Variants in RIN3 observed in about 807,000 individuals in gnomAD.
RIN3 encodes the protein Ras and Rab interactor 3, also known as RAB5 interacting protein 3.
A neutral mutation model predicts 76.3 loss-of-function variants in RIN3; 54 were observed. That is an observed-to-expected ratio of 0.71 (90% CI 0.57 to 0.89). RIN3 has a LOEUF of 0.89. Among genes scored for constraint, RIN3 ranks in the 40% least tolerant of loss-of-function variants. The pLI, the probability that RIN3 is intolerant of heterozygous loss-of-function variation, is 0.00. For missense variants in RIN3, 1,256 were observed against 1,322.1 expected (o/e 0.95, Z 0.78); for synonymous variants, 576 against 564.0 (o/e 1.02, Z -0.30).
intron 1 of RIN3, among the ~76,000 whole-genome samples, chr14:92,554,652 G>T (rs1404862577): frequency 6.6e-6 from 1 of 152,222 alleles, no homozygotes; most frequent in Non-Finnish European, 1.5e-5. Context: ...TGGGCACGAT[G>T]GTTCACACCT....
At chr14:92,583,772 C>T (rs1884651808) in intron 3 of RIN3, among the ~76,000 whole-genome samples, 1 of 152,186 alleles carries the variant, frequency 6.6e-6, no homozygotes, top group Admixed American at 6.5e-5. Context: ...CATAGTATTC[C>T]ATGGTGTATA....
At chr14:92,525,094 C>A (rs1457325333) in intron 1 of RIN3, among the ~76,000 whole-genome samples, 1 of 152,188 alleles carries the variant, frequency 6.6e-6, no homozygotes, top group African/African-American at 2.4e-5. Context: ...AGGGGCTGAA[C>A]TTTCATTCTC....
chr14:92,638,474 A>G (rs1331564379), intron 4 of RIN3, among the ~76,000 whole-genome samples: 1 of 152,150 alleles, frequency 6.6e-6, no homozygotes, highest in Non-Finnish European at 1.5e-5. Context: ...ACTGCAGCAG[A>G]CTGAGTAAAG....
rs569308919 is a variant in RIN3 at position 92,594,925 on chromosome 14, A to G, written c.367+17448A>G. Among the ~76,000 whole-genome samples, 4 of 152,356 alleles carry G rather than the reference A, an allele frequency of 2.6e-5. No individual in the cohort carries two copies. In the East Asian group the frequency reaches 5.8e-4, roughly 22 times the overall value. On this transcript the variant is annotated intron_variant, in intron 3 of 9. Coordinates refer to ENST00000216487, the MANE Select transcript of RIN3 (RefSeq NM_024832.5). ...AGGTGGGCTGCCTGGACACTGAGCA[A>G]CATGTGTTTTCCTTTATAATCCAGG... is the stretch of plus-strand genomic sequence containing the variant.
intron 3 of RIN3, among the ~76,000 whole-genome samples, chr14:92,610,013 G>T (rs1475250827): frequency 6.6e-6 from 1 of 151,776 alleles, no homozygotes; most frequent in Non-Finnish European, 1.5e-5. Flanking sequence ...TATCTTCCAA[G>T]ATCAAGGCGC....
At chr14:92,594,123 T>TA (rs534941173) in intron 3 of RIN3, among the ~76,000 whole-genome samples, 6 of 151,872 alleles carry the variant, frequency 4.0e-5, no homozygotes, top group Admixed American at 1.3e-4. Context: ...ATACACACCT[T>TA]AAAAAAAATT....
chr14:92,539,370 A>T (rs1164647646), intron 1 of RIN3, among the ~76,000 whole-genome samples: 1 of 151,986 alleles, frequency 6.6e-6, no homozygotes, highest in Admixed American at 6.6e-5. Flanking sequence ...ACTATCCTGA[A>T]CTCTTCATAG....
chr14:92,644,166 A>G (rs1013650130), intron 5 of RIN3, among the ~76,000 whole-genome samples: 1 of 152,262 alleles, frequency 6.6e-6, no homozygotes, highest in South Asian at 2.1e-4. Flanking sequence ...CAGCCTTTCT[A>G]CTGCTCCTCA....
chr14:92,661,758 C>CACACACACACACACACACAA (rs373869994), intron 7 of RIN3, among the ~76,000 whole-genome samples: 4 of 133,240 alleles, frequency 3.0e-5, no homozygotes, highest in African/African-American at 9.5e-5. Flanking sequence ...CACACACACA[C>CACACACACACACACACACAA]AAAAAATAGA....
At chr14:92,586,479 G>A (rs1254146584) in intron 3 of RIN3, 2 of 151,968 alleles carry the variant, frequency 1.3e-5, no homozygotes, top group Non-Finnish European at 2.9e-5. Context: ...CACTGGAGTT[G>A]GGCCAGGAAA....
At chr14:92,516,391 T>C (rs1424750228) in intron 1 of RIN3, among the ~76,000 whole-genome samples, 1 of 152,134 alleles carries the variant, frequency 6.6e-6, no homozygotes, top group African/African-American at 2.4e-5. Context: ...GACAGGGGGC[T>C]CTTCTGGGTG....
intron 7 of RIN3, among the ~76,000 whole-genome samples, chr14:92,667,726 T>A (rs1888159137): frequency 6.6e-6 from 1 of 152,184 alleles, no homozygotes; most frequent in African/African-American, 2.4e-5. Flanking sequence ...TCTAACTCAA[T>A]AGAAGTGTAC....
rs2140111680 is a variant in RIN3, at chr14:92,623,050, T to C, written c.440+7571T>C. Among the ~76,000 whole-genome samples the C allele has an allele frequency of 6.6e-6, 1 of 152,348 alleles. No homozygotes were observed. The highest frequency in any genetic ancestry group is 2.4e-5 in the African/African-American group (1 of 41,580). On this transcript the variant is annotated intron_variant, in intron 4 of 9. Transcript: ENST00000216487. The surrounding 1 kb of genome is among the most constrained non-coding windows in gnomAD (Gnocchi z 4.9). Reference sequence around the variant, plus strand: ...CACGAATGCAGGGCATGATGCAGCATCCAACAAGAATAAGCACAGCTATTG... The same window carrying C: ...CACGAATGCAGGGCATGATGCAGCACCCAACAAGAATAAGCACAGCTATTG...
At chr14:92,517,781 C>T (rs766429426) in intron 1 of RIN3, among the ~76,000 whole-genome samples, 1 of 152,210 alleles carries the variant, frequency 6.6e-6, no homozygotes, top group Non-Finnish European at 1.5e-5. Flanking sequence ...GACTTCCAAA[C>T]TGGATCTCCC....
intron 3 of RIN3, among the ~76,000 whole-genome samples, chr14:92,581,183 G>A (rs540145217): frequency 2.0e-5 from 3 of 152,290 alleles, no homozygotes; most frequent in Middle Eastern, 6.8e-3. Context: ...GCCAGGGCCA[G>A]GCCTTCTTAG....
chr14:92,533,634 A>G (rs56678241), intron 1 of RIN3, among the ~76,000 whole-genome samples: 18,146 of 152,210 alleles, frequency 0.12, 3,611 homozygotes, highest in African/African-American at 0.41. Context: ...ACCAAACATC[A>G]TATGTTCTCA....
chr14:92,518,281 T>A (rs1386667694), intron 1 of RIN3, among the ~76,000 whole-genome samples: 4 of 152,252 alleles, frequency 2.6e-5, no homozygotes, highest in African/African-American at 7.2e-5. Flanking sequence ...TAGTTCCATA[T>A]CCTTGTGTCC....
intron 3 of RIN3, chr14:92,586,691 G>A (rs1366597095): frequency 6.6e-6 from 1 of 152,130 alleles, no homozygotes; most frequent in Non-Finnish European, 1.5e-5. Flanking sequence ...TGTGTTGGAT[G>A]GCTTCTGAAG....
At chr14:92,520,838 T>G (rs568386545) in intron 1 of RIN3, among the ~76,000 whole-genome samples, 1 of 152,232 alleles carries the variant, frequency 6.6e-6, no homozygotes, top group Non-Finnish European at 1.5e-5. Context: ...AACCTCCATG[T>G]TCCCAGCTTC....
Sources: gnomAD v4.1 joint callset for allele counts (sites outside exome capture counted in the v4.1 genomes callset) on GRCh38, gnomAD v4.1.1 for gene constraint, Gnocchi (gnomAD v3.1) non-coding constraint, MANE v1.5 for transcripts, NCBI Gene and HGNC (gene_info 2026-07-23, HGNC 2026-07-21) for gene names.